Variants in MACROD2 observed in about 807,000 individuals in gnomAD.
MACROD2 encodes ADP-ribose glycohydrolase MACROD2.
Under a neutral mutation model 70.4 loss-of-function variants are expected in MACROD2, and 36 were observed. The ratio of observed to expected loss-of-function variants is 0.51; its 90% CI spans 0.39 to 0.68. The LOEUF is 0.68. MACROD2 is among the 30% of genes least tolerant of loss of function. The probability of loss-of-function intolerance (pLI) is 0.00; values close to 1 mark genes in which losing one functional copy is unlikely to be tolerated. For synonymous variants in MACROD2, 172 were observed against 178.8 expected (o/e 0.96, Z 0.30); for missense variants, 496 against 538.4 (o/e 0.92, Z 0.78).
chr20:15,667,025 C>T (rs1331318850), intron 8 of MACROD2, among the ~76,000 whole-genome samples: 1 of 152,182 alleles, frequency 6.6e-6, no homozygotes, highest in African/African-American at 2.4e-5. Flanking sequence ...ATTTACTGAT[C>T]TATCAATCTA....
chr20:14,471,052 G>A (rs1761914429), intron 3 of MACROD2, among the ~76,000 whole-genome samples: 1 of 152,200 alleles, frequency 6.6e-6, no homozygotes, highest in Non-Finnish European at 1.5e-5. Flanking sequence ...CCCTGGTGGT[G>A]TAGGCACCTG....
intron 12 of MACROD2, among the ~76,000 whole-genome samples, chr20:15,958,549 CT>C (rs2066011200): frequency 6.6e-6 from 1 of 152,130 alleles, no homozygotes; most frequent in South Asian, 2.1e-4. Context: ...ATTTCCAAAT[CT>C]ATTCTGAGGC....
chr20:15,180,266 A>G (rs948472613), intron 5 of MACROD2, among the ~76,000 whole-genome samples: 4 of 152,204 alleles, frequency 2.6e-5, no homozygotes, highest in Non-Finnish European at 5.9e-5. Flanking sequence ...GGAATCAACT[A>G]CAATGACTGT....
chr20:15,181,356 A>G (rs2061827619), intron 5 of MACROD2, among the ~76,000 whole-genome samples: 1 of 152,214 alleles, frequency 6.6e-6, no homozygotes, highest in South Asian at 2.1e-4. Context: ...TCTTCTTCCT[A>G]ATAATAGCTA....
intron 5 of MACROD2, among the ~76,000 whole-genome samples, chr20:15,078,219 G>A (rs1231747658): frequency 1.6e-4 from 24 of 152,030 alleles, no homozygotes; most frequent in Non-Finnish European, 2.9e-5. Flanking sequence ...GTTAAAAGCG[G>A]CCAAAGAGCC....
At chr20:14,065,990 T>C (rs1404179883) in intron 2 of MACROD2, among the ~76,000 whole-genome samples, 2 of 152,218 alleles carry the variant, frequency 1.3e-5, no homozygotes, top group African/African-American at 4.8e-5. Flanking sequence ...CTCAGTACTT[T>C]AGTTTCATTA....
At chr20:15,781,875 A>T (rs1476427461) in intron 8 of MACROD2, among the ~76,000 whole-genome samples, 1 of 152,146 alleles carries the variant, frequency 6.6e-6, no homozygotes, top group Non-Finnish European at 1.5e-5. Context: ...AAAGGAACAT[A>T]TATGCAAAGG....
chr20:15,420,924 G>T (rs371728685), intron 6 of MACROD2, among the ~76,000 whole-genome samples: 1 of 151,882 alleles, frequency 6.6e-6, no homozygotes, highest in Non-Finnish European at 1.5e-5. Context: ...TCGTCTTTCC[G>T]AAAACTTAAA....
chr20:15,441,593 A>T (rs1433351145), intron 7 of MACROD2, among the ~76,000 whole-genome samples: 2 of 152,114 alleles, frequency 1.3e-5, no homozygotes, highest in Non-Finnish European at 2.9e-5. Context: ...TGGGCCCTCT[A>T]ATTATATAAA....
At chr20:15,485,902 A>T (rs1277160804) in intron 7 of MACROD2, among the ~76,000 whole-genome samples, 1 of 152,192 alleles carries the variant, frequency 6.6e-6, no homozygotes, top group Non-Finnish European at 1.5e-5. Flanking sequence ...AAGATCTTGT[A>T]TGCAATTATT....
At chr20:15,042,041 A>G (rs1292881506) in intron 5 of MACROD2, among the ~76,000 whole-genome samples, 2 of 152,200 alleles carry the variant, frequency 1.3e-5, no homozygotes. Flanking sequence ...AGGATTTCAA[A>G]GAAGTTTGGA....
intron 3 of MACROD2, among the ~76,000 whole-genome samples, chr20:14,267,564 G>A (rs1373775937): frequency 2.0e-5 from 3 of 152,074 alleles, no homozygotes; most frequent in African/African-American, 7.2e-5. Flanking sequence ...GAGATAGGGT[G>A]AACATGTAAT....
chr20:14,157,691 G>C (rs550592332), intron 3 of MACROD2, among the ~76,000 whole-genome samples: 89 of 152,208 alleles, frequency 5.8e-4, no homozygotes, highest in African/African-American at 2.0e-3. Context: ...TAGTTTATCT[G>C]TGCCTGGCTT....
chr20:14,530,236 T>A (rs2085285587), intron 4 of MACROD2, among the ~76,000 whole-genome samples: 1 of 152,070 alleles, frequency 6.6e-6, no homozygotes, highest in Non-Finnish European at 1.5e-5. Context: ...TGGGGAAGCT[T>A]TCAGGCAAAG....
intron 5 of MACROD2, among the ~76,000 whole-genome samples, chr20:14,717,493 C>A (rs1600580433): frequency 6.7e-6 from 1 of 149,622 alleles, no homozygotes; most frequent in South Asian, 2.1e-4. Context: ...TTTTTATTAC[C>A]AAGTTATTAG....
chr20:14,259,608 G>C (rs2082085845), intron 3 of MACROD2, among the ~76,000 whole-genome samples: 1 of 152,226 alleles, frequency 6.6e-6, no homozygotes, highest in African/African-American at 2.4e-5. Context: ...CAGCTGCTAT[G>C]TTTTAAGCAC....
At chr20:14,996,055 T>TTGTGTG (rs142647244) in intron 5 of MACROD2, among the ~76,000 whole-genome samples, 1 of 151,760 alleles carries the variant, frequency 6.6e-6, no homozygotes, top group Non-Finnish European at 1.5e-5. Context: ...ACAACTGTGT[T>TTGTGTG]TGTGTGTGTG....
intron 5 of MACROD2, among the ~76,000 whole-genome samples, chr20:14,799,319 A>G (rs1467190430): frequency 2.6e-5 from 4 of 152,076 alleles, no homozygotes; most frequent in Non-Finnish European, 5.9e-5. Flanking sequence ...CAATCTTACT[A>G]TTAAAATAAT....
At chr20:15,743,362 C>CT (rs563287546) in intron 8 of MACROD2, among the ~76,000 whole-genome samples, 240 of 152,184 alleles carry the variant, frequency 1.6e-3, no homozygotes, top group African/African-American at 5.5e-3. Context: ...TATTGTACAA[C>CT]TTTTTCAGGA....
Sources: allele counts gnomAD v4.1 joint callset (sites outside exome capture counted in the v4.1 genomes callset), GRCh38; gene constraint gnomAD v4.1.1; transcripts MANE v1.5; gene names NCBI Gene and HGNC (gene_info 2026-07-23, HGNC 2026-07-21).